Variants in FILIP1L observed in about 807,000 individuals in gnomAD.
FILIP1L encodes the protein filamin A-interacting protein 1-like.
In FILIP1L, 55 loss-of-function variants were observed where a neutral mutation model predicts 96.6. The ratio of observed to expected loss-of-function variants is 0.57; its 90% confidence interval spans 0.46 to 0.71. The LOEUF is 0.71. FILIP1L is among the 30% of genes least tolerant of loss of function. The probability of loss-of-function intolerance (pLI) is 0.00; values close to 1 mark genes in which losing one functional copy is unlikely to be tolerated. For missense variants in FILIP1L, 1,304 were observed against 1,321.2 expected (o/e 0.99, Z 0.20); for synonymous variants, 467 against 473.9 (o/e 0.99, Z 0.19).
chr3:99,838,394 G>A (rs1291139769), intron 5 of FILIP1L, among the ~76,000 whole-genome samples: 5 of 152,222 alleles, frequency 3.3e-5, no homozygotes, highest in Non-Finnish European at 5.9e-5. Context: ...TTTCAGAAGA[G>A]GCGAGCATTG....
At chr3:99,922,806 T>C (rs998153488) in intron 4 of FILIP1L, among the ~76,000 whole-genome samples, 5 of 152,156 alleles carry the variant, frequency 3.3e-5, no homozygotes, top group African/African-American at 1.2e-4. Flanking sequence ...CCAACCAAAC[T>C]CTCCTTTTTT....
At chr3:99,883,095 T>G (rs1705782336) in intron 4 of FILIP1L, among the ~76,000 whole-genome samples, 1 of 152,232 alleles carries the variant, frequency 6.6e-6, no homozygotes, top group Non-Finnish European at 1.5e-5. Context: ...TTGGAAGATA[T>G]GTCAAAAGTC....
chr3:100,026,265 A>G (rs1450068708), intron 1 of FILIP1L, among the ~76,000 whole-genome samples: 3 of 152,102 alleles, frequency 2.0e-5, no homozygotes, highest in East Asian at 3.8e-4. Flanking sequence ...GGGCAAATTT[A>G]TGTTATATTT....
Position 99,991,973 on chromosome 3 carries a change from C to CATGTATGTGTGTATATAT in FILIP1L, c.-10-60944_-10-60943insATATATACACACATACAT, listed in dbSNP as rs1248111331. Reference sequence around the variant, plus strand: ...GTGTATATATGTGTGTATATATACACACATATATGTGTATATATACGTATA... The same window carrying CATGTATGTGTGTATATAT: ...GTGTATATATGTGTGTATATATACACATGTATGTGTGTATATATACATATATGTGTATATATACGTATA... On this transcript the variant is annotated intron_variant, in intron 1 of 5. Transcript: ENST00000477258. Among the ~76,000 whole-genome samples the CATGTATGTGTGTATATAT allele has an allele frequency of 4.5e-3, 657 of 147,070 alleles. 2 individuals are homozygous for CATGTATGTGTGTATATAT. The highest frequency in any genetic ancestry group is 5.9e-3 in the Non-Finnish European group (394 of 66,804).
intron 4 of FILIP1L, among the ~76,000 whole-genome samples, chr3:99,885,823 C>G (rs942448915): frequency 6.6e-6 from 1 of 152,158 alleles, no homozygotes; most frequent in Admixed American, 6.5e-5. Context: ...TGTACATTTA[C>G]CAACTACTAC....
intron 1 of FILIP1L, among the ~76,000 whole-genome samples, chr3:100,027,502 A>G (rs1181905766): frequency 1.3e-5 from 2 of 152,146 alleles, no homozygotes; most frequent in Non-Finnish European, 2.9e-5. Flanking sequence ...AACAGACTTT[A>G]TGAATGCATC....
At chr3:99,900,302 A>T (rs1010519863) in intron 4 of FILIP1L, among the ~76,000 whole-genome samples, 7 of 152,210 alleles carry the variant, frequency 4.6e-5, no homozygotes, top group Non-Finnish European at 1.0e-4. Context: ...GATGATGAGG[A>T]TATTAATAAC....
intron 1 of FILIP1L, among the ~76,000 whole-genome samples, chr3:100,081,736 T>C (rs1027937207): frequency 2.0e-5 from 3 of 152,162 alleles, no homozygotes; most frequent in African/African-American, 7.2e-5. Context: ...ATACATCACA[T>C]CTTTTTATTA....
chr3:99,997,092 C>G (rs953985530), intron 1 of FILIP1L, among the ~76,000 whole-genome samples: 2 of 151,952 alleles, frequency 1.3e-5, no homozygotes, highest in Non-Finnish European at 2.9e-5. Context: ...CCAAAGTTAG[C>G]AGAAGAAAAG....
chr3:100,107,877 T>TA (rs11322494), intron 1 of FILIP1L, among the ~76,000 whole-genome samples: 5,107 of 130,022 alleles, frequency 0.039, 128 homozygotes, highest in East Asian at 0.14. Flanking sequence ...GCAAGAGAAT[T>TA]AAAAAAAAAA....
intron 4 of FILIP1L, among the ~76,000 whole-genome samples, chr3:99,921,021 A>G (rs754702751): frequency 9.9e-5 from 15 of 152,134 alleles, no homozygotes; most frequent in Non-Finnish European, 4.4e-5. Flanking sequence ...TGGGGTTATG[A>G]TATCTTTGTT....
At chr3:99,874,972 AG>A (rs1705436704) in intron 4 of FILIP1L, among the ~76,000 whole-genome samples, 1 of 152,216 alleles carries the variant, frequency 6.6e-6, no homozygotes, top group African/African-American at 2.4e-5. Flanking sequence ...TATAAATGGC[AG>A]CCTATGAATT....
At chr3:100,004,186 A>T (rs1485512883) in intron 1 of FILIP1L, among the ~76,000 whole-genome samples, 1 of 152,148 alleles carries the variant, frequency 6.6e-6, no homozygotes, top group African/African-American at 2.4e-5. Context: ...TTTCCCCCTT[A>T]CATATTCTCC....
chr3:99,853,533 G>A (rs1420268374), intron 4 of FILIP1L, among the ~76,000 whole-genome samples: 3 of 152,166 alleles, frequency 2.0e-5, no homozygotes, highest in Non-Finnish European at 1.5e-5. Flanking sequence ...TGCAAAAAAG[G>A]TTTAGAAAAA....
chr3:100,002,925 G>T (rs1228400324), intron 1 of FILIP1L, among the ~76,000 whole-genome samples: 4 of 152,180 alleles, frequency 2.6e-5, no homozygotes, highest in Non-Finnish European at 5.9e-5. Flanking sequence ...TCTCTCTGCT[G>T]TCTGCAAATC....
chr3:99,921,178 A>G (rs1007706589), intron 4 of FILIP1L, among the ~76,000 whole-genome samples: 1 of 152,166 alleles, frequency 6.6e-6, no homozygotes, highest in Non-Finnish European at 1.5e-5. Context: ...CACTCAGTGA[A>G]GTTGGAAGGA....
chr3:99,900,234 G>A (rs1007915081), intron 4 of FILIP1L, among the ~76,000 whole-genome samples: 1 of 152,128 alleles, frequency 6.6e-6, no homozygotes, highest in African/African-American at 2.4e-5. Flanking sequence ...ACCTCCTTGA[G>A]TTTGAGACAG....
intron 4 of FILIP1L, among the ~76,000 whole-genome samples, chr3:99,888,461 G>A (rs886297175): frequency 6.6e-6 from 1 of 152,128 alleles, no homozygotes; most frequent in East Asian, 1.9e-4. Context: ...AGAAAAGTTG[G>A]TGGCTGGGTA....
At chr3:99,939,839 G>A (rs551172119) in intron 1 of FILIP1L, among the ~76,000 whole-genome samples, 1 of 152,182 alleles carries the variant, frequency 6.6e-6, no homozygotes, top group Non-Finnish European at 1.5e-5. Context: ...AATAATTTTA[G>A]TTTACAAACA....
Sources: gnomAD v4.1 joint callset for allele counts (sites outside exome capture counted in the v4.1 genomes callset) on GRCh38, gnomAD v4.1.1 for gene constraint, MANE v1.5 for transcripts, NCBI Gene and HGNC (gene_info 2026-07-23, HGNC 2026-07-21) for gene names.